Variants in TENM4 observed in about 807,000 individuals in gnomAD.
TENM4 encodes teneurin-4.
A neutral mutation model predicts 243.3 loss-of-function variants in TENM4; 82 were observed. That is an observed-to-expected ratio of 0.34 (90% CI 0.28 to 0.40). The LOEUF (loss-of-function observed/expected upper bound fraction) is 0.40, where lower values mean the gene tolerates loss of function less well. Among genes scored for constraint, TENM4 ranks in the 10% least tolerant of loss-of-function variants. TENM4 has a pLI of 1.00. For synonymous variants in TENM4, 1,412 were observed against 1,456.3 expected (o/e 0.97, Z 0.69); for missense variants, 3,138 against 3,673.3 (o/e 0.85, Z 3.77).
At chr11:79,076,146 C>A (rs867633605) in intron 4 of TENM4, among the ~76,000 whole-genome samples, 1 of 152,152 alleles carries the variant, frequency 6.6e-6, no homozygotes, top group African/African-American at 2.4e-5. Flanking sequence ...TTTTCACATA[C>A]CCCCATGAAA....
At chr11:79,072,116 C>A (rs1451671050) in intron 4 of TENM4, among the ~76,000 whole-genome samples, 2 of 152,122 alleles carry the variant, frequency 1.3e-5, no homozygotes, top group Admixed American at 6.5e-5. Context: ...GAAGCAGGAC[C>A]ACAAGGGAAG....
intron 4 of TENM4, among the ~76,000 whole-genome samples, chr11:79,105,714 AAAG>A (rs1861348820): frequency 6.6e-6 from 1 of 152,224 alleles, no homozygotes; most frequent in Admixed American, 6.5e-5. Context: ...GGTTTGAAGT[AAAG>A]AAGTCCCCAA....
At chr11:79,090,088 C>T (rs908787711) in intron 4 of TENM4, among the ~76,000 whole-genome samples, 6 of 152,134 alleles carry the variant, frequency 3.9e-5, no homozygotes, top group African/African-American at 1.4e-4. Flanking sequence ...GGAAATTAAG[C>T]CTGCACCAGG....
intron 28 of TENM4, among the ~76,000 whole-genome samples, chr11:78,697,684 G>A (rs571053191): frequency 5.3e-5 from 8 of 152,132 alleles, no homozygotes; most frequent in Non-Finnish European, 1.2e-4. Flanking sequence ...TAAGCTTGAC[G>A]CAAAGACAAA....
Position 79,212,187 on chromosome 11 carries a change from C to T in TENM4, c.-163+3621G>A, listed in dbSNP as rs142737630. 1.2e-4 allele frequency among the ~76,000 whole-genome samples: 19 copies of T among 152,228 alleles called. No individual in the cohort carries two copies. The East Asian group carries it at 3.7e-3, about 29-fold the overall frequency. On this transcript the variant is annotated intron_variant, in intron 3 of 33. Coordinates refer to ENST00000278550, the MANE Select transcript of TENM4 (RefSeq NM_001098816.3). ...AGAGAGAAAAACATGATGTGGGTTCCCTGGCATGTAGCAGATGGTCAATGC... is the reference window on the plus strand; with the variant it reads ...AGAGAGAAAAACATGATGTGGGTTCTCTGGCATGTAGCAGATGGTCAATGC...
chr11:79,163,012 A>G (rs1478682803), intron 3 of TENM4, among the ~76,000 whole-genome samples: 2 of 152,178 alleles, frequency 1.3e-5, no homozygotes, highest in African/African-American at 4.8e-5. Context: ...ATGCATAAAC[A>G]TGGTCCTTCT....
At chr11:78,820,124 G>A (rs940946771) in intron 12 of TENM4, among the ~76,000 whole-genome samples, 1 of 152,216 alleles carries the variant, frequency 6.6e-6, no homozygotes, top group African/African-American at 2.4e-5. Context: ...GCATAGCTGG[G>A]ATTTAATTCT....
chr11:78,727,548 T>C (rs1215267529), intron 22 of TENM4, among the ~76,000 whole-genome samples: 1 of 152,196 alleles, frequency 6.6e-6, no homozygotes, highest in African/African-American at 2.4e-5. Context: ...TATTAACGAC[T>C]ATGGTGTTTT....
intron 6 of TENM4, among the ~76,000 whole-genome samples, chr11:78,990,828 C>T (rs1045742667): frequency 1.3e-5 from 2 of 151,868 alleles, no homozygotes; most frequent in South Asian, 2.1e-4. Flanking sequence ...ATGTTCATGC[C>T]GGGGATTTTC....
intron 12 of TENM4, among the ~76,000 whole-genome samples, chr11:78,851,920 G>C (rs1359386301): frequency 6.6e-6 from 1 of 152,220 alleles, no homozygotes; most frequent in Non-Finnish European, 1.5e-5. Context: ...CAAAACCCAA[G>C]TTTGTGCTGG....
In TENM4 at chr11:79,069,946, G is replaced by T; in HGVS notation, c.-2C>A. 6.5e-7 allele frequency: 1 copy of T among 1,544,976 alleles called. No homozygotes were observed. Among genetic ancestry groups the T allele is most frequent in the Non-Finnish European group, 8.7e-7 (1 of 1,146,300 alleles). Reference sequence around the variant, plus strand: ...AGGCTTCCTCTCCTTCACGTCCATGGCCTCCGGCCCGCGCTCCTCCACATC... The same window carrying T: ...AGGCTTCCTCTCCTTCACGTCCATGTCCTCCGGCCCGCGCTCCTCCACATC... On this transcript the variant is annotated 5_prime_UTR_variant, in exon 5 of 34. Coordinates refer to ENST00000278550, the MANE Select transcript of TENM4 (RefSeq NM_001098816.3).
intron 28 of TENM4, among the ~76,000 whole-genome samples, chr11:78,701,039 T>C (rs1048990490): frequency 6.6e-6 from 1 of 152,172 alleles, no homozygotes; most frequent in Non-Finnish European, 1.5e-5. Context: ...AAAAGTCCCA[T>C]GCAAAATGGT....
At chr11:78,745,881 A>G (rs143681274) in intron 19 of TENM4, among the ~76,000 whole-genome samples, 22 of 152,342 alleles carry the variant, frequency 1.4e-4, no homozygotes, top group Non-Finnish European at 2.6e-4. Context: ...AACTTATTTC[A>G]AAGCTCATCC....
chr11:79,109,798 C>T (rs1861463814), intron 4 of TENM4, among the ~76,000 whole-genome samples: 1 of 152,226 alleles, frequency 6.6e-6, no homozygotes, highest in African/African-American at 2.4e-5. Flanking sequence ...GGTTTTGAAT[C>T]CTACCTCTGT....
At chr11:79,227,171 G>A (rs1213368206) in intron 2 of TENM4, among the ~76,000 whole-genome samples, 1 of 152,154 alleles carries the variant, frequency 6.6e-6, no homozygotes, top group Non-Finnish European at 1.5e-5. Flanking sequence ...GTGGCTTCAG[G>A]TCCTGACAGT....
intron 6 of TENM4, among the ~76,000 whole-genome samples, chr11:78,942,736 A>T (rs1299483839): frequency 6.6e-6 from 1 of 151,694 alleles, no homozygotes; most frequent in East Asian, 1.9e-4. Flanking sequence ...TTCCTGCTTA[A>T]CTTTTCACAA....
rs1202439168 is a variant in TENM4, at chr11:78,862,982, T to C, written c.1235A>G (p.Lys412Arg). ...CCTACCTTCTGTGGTTCCTTTGCCT[T>C]TCCTGTCAGGGGTCTCTAAGCCAGT... is the stretch of plus-strand genomic sequence containing the variant. ...GGTGLETPDR[K>R]GKGTTEGKPS... Residue 412 changes from lysine (K) to arginine (R), a missense_variant, in exon 10 of 34, where the codon AAA becomes AGA. By Grantham distance (26) the Lys-to-Arg change is conservative. Transcript: ENST00000278550. 6.8e-7 allele frequency: 1 copy of C among 1,471,424 alleles called. No homozygotes were observed. The highest frequency in any genetic ancestry group is 2.2e-5 in the Admixed American group (1 of 46,436). The allele number at this position is 1,471,424 out of a possible 1,614,324, so 91.1% of individuals were successfully genotyped here. A position where few individuals can be genotyped will look rare whatever the true frequency, so the allele number is the denominator to read the frequency against.
intron 1 of TENM4, among the ~76,000 whole-genome samples, chr11:79,359,116 AT>A (rs1341200532): frequency 6.6e-6 from 1 of 152,154 alleles, no homozygotes; most frequent in Non-Finnish European, 1.5e-5. Flanking sequence ...GAAAAAATAA[AT>A]TAGCTGTGCA....
At chr11:78,765,673 G>A (rs1856526745) in intron 18 of TENM4, among the ~76,000 whole-genome samples, 1 of 152,158 alleles carries the variant, frequency 6.6e-6, no homozygotes, top group South Asian at 2.1e-4. Flanking sequence ...TAGCTCTCCC[G>A]CTGAGCCACT....
Sources: allele counts gnomAD v4.1 joint callset (sites outside exome capture counted in the v4.1 genomes callset), GRCh38; gene constraint gnomAD v4.1.1; transcripts MANE v1.5; gene names NCBI Gene and HGNC (gene_info 2026-07-23, HGNC 2026-07-21).